The following UEVLD variants were observed in gnomAD, a reference collection of about 807,000 sequenced individuals.
UEVLD encodes the protein ubiquitin-conjugating enzyme E2 variant 3.
Under a neutral mutation model 58.6 loss-of-function variants are expected in UEVLD, and 47 were observed. The observed-to-expected ratio is 0.80, with a 90% CI of 0.63 to 1.02. The LOEUF (loss-of-function observed/expected upper bound fraction) is 1.02. Among genes scored for constraint, UEVLD ranks in the 50% least tolerant of loss-of-function variants. The pLI, the probability that UEVLD is intolerant of heterozygous loss-of-function variation, is 0.00. For missense variants in UEVLD, 510 were observed against 550.6 expected (o/e 0.93, Z 0.74); for synonymous variants, 197 against 195.3 (o/e 1.01, Z -0.07).
intron 2 of UEVLD, 114 bp downstream of exon 2, chr11:18,578,610 C>T: frequency 1.4e-6 from 1 of 735,086 alleles, no homozygotes; most frequent in East Asian, 2.7e-5. Context: ...TAAAGTATAG[C>T]TGAAAATCAG....
rs1041947827 is a variant in UEVLD at position 18,565,124 on chromosome 11, T to C, written c.494-114A>G. The C allele has an allele frequency of 1.0e-5, 7 of 699,510 alleles. No individual in the cohort carries two copies. The Admixed American group carries it at 1.2e-4, about 12-fold the overall frequency. 43.3% of individuals were successfully genotyped at this position (699,510 alleles called of 1,614,324 possible). A position where few individuals can be genotyped will look rare whatever the true frequency, so the allele number is the denominator to read the frequency against. ...GCTTAGAGAGAAAATATGGTGCTAG[T>C]CCATAATGGGCAAAAAATACTACTG... On this transcript the variant is annotated intron_variant, in intron 5 of 11. Coordinates refer to ENST00000396197, the MANE Select transcript of UEVLD (RefSeq NM_001040697.4).
At chr11:18,541,729 T>C (rs1016484306) in intron 9 of UEVLD, among the ~76,000 whole-genome samples, 7 of 152,140 alleles carry the variant, frequency 4.6e-5, no homozygotes, top group Non-Finnish European at 8.8e-5. Context: ...ACCTTTATCA[T>C]ATAAGGGATG....
intron 8 of UEVLD, among the ~76,000 whole-genome samples, chr11:18,546,486 TG>T (rs1048788985): frequency 2.0e-5 from 3 of 148,830 alleles, no homozygotes; most frequent in African/African-American, 7.4e-5. Context: ...TTTTTTGTTT[TG>T]TTTTTTATTT....
At chr11:18,532,954 T>C (rs756340756) in intron 11 of UEVLD, among the ~76,000 whole-genome samples, 2 of 152,216 alleles carry the variant, frequency 1.3e-5, no homozygotes, top group Non-Finnish European at 2.9e-5. Flanking sequence ...CATGTAATGA[T>C]CAAATCAGGG....
At chr11:18,564,795 C>T in intron 6 of UEVLD, 97 bp downstream of exon 6, 2 of 810,458 alleles carry the variant, frequency 2.5e-6, no homozygotes, top group African/African-American at 2.0e-5. Context: ...AAGGTTTTCC[C>T]ACGACAAAAT....
At chr11:18,540,472 A>G (rs1260005309) in intron 9 of UEVLD, among the ~76,000 whole-genome samples, 1 of 152,214 alleles carries the variant, frequency 6.6e-6, no homozygotes, top group Non-Finnish European at 1.5e-5. Context: ...ATACCTATCC[A>G]TGGATATAAC....
chr11:18,536,951 A>G (rs979841144), intron 9 of UEVLD, among the ~76,000 whole-genome samples: 1 of 139,174 alleles, frequency 7.2e-6, no homozygotes, highest in African/African-American at 2.7e-5. Context: ...GCTGTAGTGC[A>G]GTGGCATGAT....
chr11:18,558,766 G>C (rs1461193540), intron 6 of UEVLD, among the ~76,000 whole-genome samples: 2 of 149,424 alleles, frequency 1.3e-5, no homozygotes, highest in African/African-American at 2.5e-5. Flanking sequence ...CTGGGCGATA[G>C]AGCGAGACTC....
chr11:18,578,090 G>C (rs541463477), intron 2 of UEVLD, among the ~76,000 whole-genome samples: 2 of 152,208 alleles, frequency 1.3e-5, no homozygotes, highest in East Asian at 3.9e-4. Flanking sequence ...GGATTTTTTA[G>C]ATGTGATTAG....
intron 6 of UEVLD, among the ~76,000 whole-genome samples, chr11:18,558,805 G>A (rs71486870): frequency 0.054 from 8,107 of 151,116 alleles, 240 homozygotes; most frequent in Non-Finnish European, 0.065. Flanking sequence ...AAGAAATTAT[G>A]AACTTCAATA....
intron 1 of UEVLD, among the ~76,000 whole-genome samples, chr11:18,584,850 C>T (rs1194434791): frequency 3.9e-5 from 6 of 152,160 alleles, no homozygotes; most frequent in African/African-American, 7.2e-5. Flanking sequence ...CCAGGCTGGT[C>T]TTGAATTCCT....
rs1326934601 is a variant in UEVLD at position 18,536,468 on chromosome 11, C to A, written c.1062G>T (p.Val354=). 6.2e-7 allele frequency: 1 copy of A among 1,613,088 alleles called. No homozygotes were observed. The highest frequency in any genetic ancestry group is 1.7e-5 in the Admixed American group (1 of 59,980). ...CTTCTTCTTGGCCACTCCATGTGAG[C>A]ACTAAAATTAGATGAAGAATTAATT... ...WVIGEQGEDK[V]LTWSGQEEVV... is the part of the protein sequence containing the mutation. Residue 354 remains valine (V), a splice_region_variant and synonymous_variant, in exon 10 of 12, where the codon GTG becomes GTT. Transcript: ENST00000396197.
chr11:18,538,426 G>A (rs1850907579), intron 9 of UEVLD, among the ~76,000 whole-genome samples: 1 of 151,742 alleles, frequency 6.6e-6, no homozygotes, highest in Admixed American at 6.6e-5. Context: ...ACAGGTGTGC[G>A]CCTCAGACTC....
At chr11:18,565,958 G>A (rs1852276573) in intron 5 of UEVLD, among the ~76,000 whole-genome samples, 1 of 132,862 alleles carries the variant, frequency 7.5e-6, no homozygotes, top group African/African-American at 2.8e-5. Context: ...GAGTGCAGTT[G>A]TTCAATCTCA....
chr11:18,575,654 T>C (rs1852868340), intron 2 of UEVLD, among the ~76,000 whole-genome samples: 1 of 152,080 alleles, frequency 6.6e-6, no homozygotes, highest in Non-Finnish European at 1.5e-5. Flanking sequence ...AAACCCCAAG[T>C]TCTAGGGCCA....
chr11:18,554,084 C>G (rs1373697742), intron 7 of UEVLD, among the ~76,000 whole-genome samples: 14 of 152,098 alleles, frequency 9.2e-5, no homozygotes. Context: ...AAAGCAACTA[C>G]TCTTAATAGT....
chr11:18,577,651 A>G (rs1056851186), intron 2 of UEVLD, among the ~76,000 whole-genome samples: 3 of 152,118 alleles, frequency 2.0e-5, no homozygotes, highest in African/African-American at 4.8e-5. Context: ...GGATGTATCA[A>G]TTGAGGTCAG....
At chr11:18,561,229 C>T (rs796614621) in intron 6 of UEVLD, among the ~76,000 whole-genome samples, 9 of 152,284 alleles carry the variant, frequency 5.9e-5, no homozygotes, top group African/African-American at 2.2e-4. Flanking sequence ...TGGGTAACCG[C>T]CCTATGCCTT....
At position 18,546,962 on chromosome 11, in the gene UEVLD, GCT is replaced by G; in HGVS notation, c.802_803del (p.Ser268GlnfsTer16). 6.2e-7 allele frequency: 1 copy of G among 1,614,120 alleles called. No individual in the cohort carries two copies. The highest frequency in any genetic ancestry group is 2.2e-5 in the East Asian group (1 of 44,884). ...SSQSYLDVVQ[S>X]NVDMFRALVP... ...CAAGGGCTCTGAACATATCCACATT[GCT>G]CTGTACCACATCAAGGTACGACTGA... On this transcript the variant is annotated frameshift_variant, in exon 8 of 12. Coordinates refer to ENST00000396197, the MANE Select transcript of UEVLD (RefSeq NM_001040697.4). LOFTEE classifies it high-confidence loss of function.
Sources: gnomAD v4.1 joint callset for allele counts (sites outside exome capture counted in the v4.1 genomes callset) on GRCh38, gnomAD v4.1.1 for gene constraint, MANE v1.5 for transcripts, NCBI Gene and HGNC (gene_info 2026-07-23, HGNC 2026-07-21) for gene names.